The following LUC7L variants were observed in gnomAD, a reference collection of about 807,000 sequenced individuals.
The protein encoded by LUC7L is LUC7 like.
Under a neutral mutation model 51.1 loss-of-function variants are expected in LUC7L, and 29 were observed. The observed-to-expected ratio is 0.57, with a 90% CI of 0.42 to 0.77. LUC7L has a LOEUF of 0.77. Among genes scored for constraint, LUC7L ranks in the 30% least tolerant of loss-of-function variants. The pLI is 0.00. For synonymous variants in LUC7L, 181 were observed against 180.7 expected, an observed-to-expected ratio of 1.00 and a Z score of -0.01; for missense variants, 403 against 511.9, an observed-to-expected ratio of 0.79 and a Z score of 2.05.
intron 4 of LUC7L, among the ~76,000 whole-genome samples, chr16:206,523 T>C (rs1489191986): frequency 2.6e-5 from 4 of 152,122 alleles, no homozygotes; most frequent in Non-Finnish European, 5.9e-5. Flanking sequence ...TGAAACAAAA[T>C]AGCACCGTTG....
chr16:191,891 T>A, intron 7 of LUC7L, among the ~76,000 whole-genome samples: 1 of 152,108 alleles, frequency 6.6e-6, no homozygotes, highest in East Asian at 1.9e-4. Flanking sequence ...ACTGAGGAAT[T>A]ATTTCAGGAA....
intron 6 of LUC7L, 81 bp downstream of exon 6, chr16:198,981 A>C: frequency 7.0e-7 from 1 of 1,423,040 alleles, no homozygotes; most frequent in Non-Finnish European, 9.4e-7. Context: ...CGCCCGGCCA[A>C]AACATAAGGT....
At chr16:195,027 T>C (rs1339989087) in intron 6 of LUC7L, among the ~76,000 whole-genome samples, 1 of 152,110 alleles carries the variant, frequency 6.6e-6, no homozygotes, top group Non-Finnish European at 1.5e-5. Flanking sequence ...GCACGGAAAG[T>C]ATGCAGAGCT....
At chr16:224,243 G>A (rs1045941623) in intron 2 of LUC7L, among the ~76,000 whole-genome samples, 1 of 152,142 alleles carries the variant, frequency 6.6e-6, no homozygotes, top group African/African-American at 2.4e-5. Context: ...ATGAGGCCGA[G>A]CGCGGTGGCT....
intron 5 of LUC7L, among the ~76,000 whole-genome samples, chr16:205,651 G>A (rs1034331606): frequency 5.3e-5 from 8 of 152,114 alleles, no homozygotes; most frequent in Non-Finnish European, 1.2e-4. Flanking sequence ...GTGCAGTGGC[G>A]CAATCTCAGC....
At chr16:200,198 G>A (rs1188739089) in intron 5 of LUC7L, among the ~76,000 whole-genome samples, 8 of 151,718 alleles carry the variant, frequency 5.3e-5, no homozygotes, top group Non-Finnish European at 1.2e-4. Flanking sequence ...TGAGGCAGGC[G>A]AATCATGGGG....
At chr16:216,514 C>CT (rs2049805483) in intron 3 of LUC7L, among the ~76,000 whole-genome samples, 1 of 150,316 alleles carries the variant, frequency 6.7e-6, no homozygotes, top group South Asian at 2.1e-4. Flanking sequence ...TCCCAAGTAG[C>CT]TGGGACTACA....
intron 3 of LUC7L, among the ~76,000 whole-genome samples, chr16:214,964 G>A (rs1049526713): frequency 6.6e-6 from 1 of 152,094 alleles, no homozygotes; most frequent in Non-Finnish European, 1.5e-5. Context: ...CCAGAACTTC[G>A]AAGACTGAAG....
chr16:227,437 TTC>T, intron 1 of LUC7L, 101 bp from the exon 2 acceptor site: 1 of 1,509,860 alleles, frequency 6.6e-7, no homozygotes, highest in Admixed American at 2.1e-5. Context: ...AGACTATCAT[TTC>T]TGTGTTCTCC....
At chr16:222,135 G>C (rs1195621697) in intron 2 of LUC7L, among the ~76,000 whole-genome samples, 2 of 152,144 alleles carry the variant, frequency 1.3e-5, no homozygotes, top group African/African-American at 2.4e-5. Context: ...TTAGAAAACA[G>C]TGTATGATTT....
At chr16:189,537 A>G in intron 9 of LUC7L, 198 bp from the exon 10 acceptor site, 1 of 1,389,512 alleles carries the variant, frequency 7.2e-7, no homozygotes, top group Non-Finnish European at 9.3e-7. Context: ...CTTTGCGAAG[A>G]TTTTTAATAA....
chr16:193,025 T>C lies in LUC7L; in HGVS notation c.688-10A>G, dbSNP rs777771999. 3.7e-6 allele frequency: 6 copies of C among 1,610,088 alleles called. No homozygotes were observed. The South Asian group carries it at 6.6e-5, about 18-fold the overall frequency. On this transcript the variant is annotated splice_polypyrimidine_tract_variant and intron_variant, in intron 6 of 9. Transcript: ENST00000293872. Reference sequence around the variant, plus strand: ...TTTCAGCGACAGTTTTCTAAATAAATGAAACAAAAAATGAGGAAGAGCAAG... The same window carrying C: ...TTTCAGCGACAGTTTTCTAAATAAACGAAACAAAAAATGAGGAAGAGCAAG...
chr16:223,587 G>A (rs1567193688), intron 2 of LUC7L, among the ~76,000 whole-genome samples: 1 of 152,044 alleles, frequency 6.6e-6, no homozygotes, highest in Admixed American at 6.6e-5. Flanking sequence ...TTAGAGATAG[G>A]ACAATAGTGG....
At chr16:196,387 G>T (rs1252350332) in intron 6 of LUC7L, among the ~76,000 whole-genome samples, 2 of 151,698 alleles carry the variant, frequency 1.3e-5, no homozygotes, top group Non-Finnish European at 2.9e-5. Flanking sequence ...CAGCCTGGGT[G>T]ACAGAGCAAG....
chr16:198,896 T>G (rs1038845819), intron 6 of LUC7L, among the ~76,000 whole-genome samples, 166 bp downstream of exon 6: 2 of 152,090 alleles, frequency 1.3e-5, no homozygotes, highest in African/African-American at 4.8e-5. Context: ...GTCAGGCTGG[T>G]CTCGAACTCC....
chr16:222,329 G>GAAAAAAAAAAAA (rs35172319), intron 2 of LUC7L, among the ~76,000 whole-genome samples: 1 of 115,892 alleles, frequency 8.6e-6, no homozygotes. Context: ...TACATAACCA[G>GAAAAAAAAAAAA]AAAAAAAAAA....
At chr16:201,062 C>T (rs111242675) in intron 5 of LUC7L, among the ~76,000 whole-genome samples, 19 of 149,930 alleles carry the variant, frequency 1.3e-4, no homozygotes, top group African/African-American at 3.7e-4. Context: ...CCCAGCTACT[C>T]GGGAGGCTGA....
At chr16:219,865 G>C (rs1165359856) in intron 3 of LUC7L, among the ~76,000 whole-genome samples, 9 of 148,748 alleles carry the variant, frequency 6.1e-5, no homozygotes, top group Admixed American at 2.7e-4. Context: ...GTGAAACTCC[G>C]TCTCAAAAAA....
chr16:218,657 GTTGCAATGAGCCAAGA>G (rs912116883), intron 3 of LUC7L, among the ~76,000 whole-genome samples: 5 of 151,938 alleles, frequency 3.3e-5, no homozygotes, highest in Admixed American at 2.0e-4. Flanking sequence ...GGAGGCGGAG[GTTGCAATGAGCCAAGA>G]TTGCGCCACT....
Sources: gnomAD v4.1 joint callset for allele counts (sites outside exome capture counted in the v4.1 genomes callset) on GRCh38, gnomAD v4.1.1 for gene constraint, MANE v1.5 for transcripts, NCBI Gene and HGNC (gene_info 2026-07-23, HGNC 2026-07-21) for gene names.